Variants in MAP4 observed in about 807,000 individuals in gnomAD.
MAP4 encodes the protein microtubule-associated protein 4.
Under a neutral mutation model 170.2 loss-of-function variants are expected in MAP4, and 76 were observed. That is an observed-to-expected ratio of 0.45 (90% CI 0.37 to 0.54). The LOEUF (loss-of-function observed/expected upper bound fraction) is 0.54. MAP4 is among the 20% of genes least tolerant of loss of function. The pLI is 0.00. For missense variants in MAP4, 2,506 were observed against 2,748.0 expected (o/e 0.91, Z 1.97); for synonymous variants, 909 against 994.5 (o/e 0.91, Z 1.62).
Position 47,989,902 on chromosome 3 carries a change from CT to C in MAP4, c.223+8735del, listed in dbSNP as rs967826001. 7.1e-4 allele frequency among the ~76,000 whole-genome samples: 105 copies of C among 147,076 alleles called. 2 individuals carry two copies. Among genetic ancestry groups the C allele is most frequent in the Middle Eastern group, 6.9e-3 (2 of 288 alleles). On this transcript the variant is annotated intron_variant, in intron 2 of 20. Coordinates refer to ENST00000683076, the MANE Select transcript of MAP4 (RefSeq NM_001385682.1). ...TACACACAGCATCGAAAATAGCACA[CT>C]TTTTTTTTTTAGAAACTAATCACAT... is the stretch of plus-strand genomic sequence containing the variant.
intron 9 of MAP4, 23 bp downstream of exon 9, chr3:47,909,015 A>G (rs895542295): frequency 1.3e-6 from 2 of 1,596,530 alleles, no homozygotes; most frequent in African/African-American, 1.4e-5. Context: ...AAGCACACAC[A>G]TTTCCCCATG....
chr3:47,896,328 G>A (rs1411497517), intron 10 of MAP4, among the ~76,000 whole-genome samples: 1 of 152,088 alleles, frequency 6.6e-6, no homozygotes, highest in Admixed American at 6.6e-5. Context: ...TTGGGAGTTC[G>A]AGACCAGCCT....
At chr3:48,010,151 C>T (rs543580123) in intron 1 of MAP4, among the ~76,000 whole-genome samples, 12 of 152,256 alleles carry the variant, frequency 7.9e-5, no homozygotes, top group African/African-American at 1.9e-4. Flanking sequence ...ACAAATGATC[C>T]GGACCATTCA....
intron 3 of MAP4, among the ~76,000 whole-genome samples, chr3:47,938,663 C>A (rs1378683044): frequency 6.6e-6 from 1 of 152,206 alleles, no homozygotes; most frequent in Non-Finnish European, 1.5e-5. Context: ...GGATTACATG[C>A]ATGAGCCTCT....
chr3:48,052,351 G>A (rs2100128379), intron 1 of MAP4, among the ~76,000 whole-genome samples: 1 of 152,148 alleles, frequency 6.6e-6, no homozygotes. Context: ...CTCCCGAGTA[G>A]CTGGGATTAT....
At position 47,912,435 on chromosome 3, in the gene MAP4, C is replaced by CA. The variant is rs1559431373; in HGVS notation, c.2000-15dup. On this transcript the variant is annotated splice_polypyrimidine_tract_variant and intron_variant, in intron 8 of 20. Coordinates refer to ENST00000683076, the MANE Select transcript of MAP4 (RefSeq NM_001385682.1). ...ACATGAAGTTGGCTAAAATTCCAAACAAAAAACTCCTCGTTATTGTTTCTT... is the reference window on the plus strand; with the variant it reads ...ACATGAAGTTGGCTAAAATTCCAAACAAAAAAACTCCTCGTTATTGTTTCTT... The CA allele has an allele frequency of 2.7e-6, 4 of 1,455,192 alleles. No homozygotes were observed. The highest frequency in any genetic ancestry group is 3.6e-6 in the Non-Finnish European group (4 of 1,107,486). The allele number at this position is 1,455,192 out of a possible 1,614,324, so 90.1% of individuals were successfully genotyped here.
upstream of MAP4, among the ~76,000 whole-genome samples, chr3:48,019,610 C>T (rs2100109573): frequency 6.6e-6 from 1 of 152,254 alleles, no homozygotes; most frequent in East Asian, 1.9e-4. Flanking sequence ...TTTGGCTGGG[C>T]ATGGTGGTTC....
chr3:47,964,745 A>G (rs2100073822), intron 3 of MAP4, among the ~76,000 whole-genome samples: 1 of 152,234 alleles, frequency 6.6e-6, no homozygotes, highest in Non-Finnish European at 1.5e-5. Context: ...TGGACAAACC[A>G]GAACAAACGT....
Position 47,852,514 on chromosome 3 carries a change from T to C in MAP4, c.*420A>G. 1 of 452,130 alleles carries C rather than the reference T, an allele frequency of 2.2e-6. No individual in the cohort carries two copies. The allele number at this position is 452,130 out of a possible 1,614,324, so 28.0% of individuals were successfully genotyped here. On this transcript the variant is annotated 3_prime_UTR_variant, in exon 21 of 21. Transcript: ENST00000683076. ...CCAGGGAGAAGGGAGGGCATGTCAG[T>C]TTCTTTTGGGTTTGGACCAAAGAAC...
intron 2 of MAP4, among the ~76,000 whole-genome samples, chr3:47,979,135 G>A (rs955537453): frequency 6.6e-5 from 10 of 151,522 alleles, no homozygotes; most frequent in East Asian, 1.9e-4. Context: ...TGAGGCCTAC[G>A]GTACATTTTG....
In MAP4 at chr3:47,853,229, G is replaced by T. The variant is rs764975071; in HGVS notation, c.6820C>A (p.Pro2274Thr). The change falls in exon 20 of 21, where the codon CCC (proline) becomes ACC (threonine). Residue 2274 changes from proline to threonine, a missense_variant. This residue lies in a region of MAP4 where 487 missense variants were observed against 511.6 expected (regional missense o/e 0.95). Coordinates refer to ENST00000683076, the MANE Select transcript of MAP4 (RefSeq NM_001385682.1). ...PTSASGLNGH[P>T]TLSGGGDQRE... ...TGGTCACCACCCCCTGACAGGGTGG[G>T]GTGGCCATTGAGGCCACTGGCTGAA... The T allele has an allele frequency of 6.3e-7, 1 of 1,582,570 alleles. No homozygotes were observed. Among genetic ancestry groups the T allele is most frequent in the Admixed American group, 1.8e-5 (1 of 56,416 alleles).
chr3:47,975,360 G>A (rs1285401255), intron 3 of MAP4: 3 of 1,549,342 alleles, frequency 1.9e-6, no homozygotes, highest in African/African-American at 2.7e-5. Flanking sequence ...GGAATGAAAA[G>A]CAAAGCTCTG....
chr3:48,019,482 A>C (rs936709989), upstream of MAP4, among the ~76,000 whole-genome samples: 2 of 152,236 alleles, frequency 1.3e-5, no homozygotes, highest in Admixed American at 6.5e-5. Context: ...GAAAGTAATA[A>C]GCATATCATG....
intron 1 of MAP4, among the ~76,000 whole-genome samples, chr3:48,076,354 T>G (rs2100143876): frequency 6.6e-6 from 1 of 151,170 alleles, no homozygotes; most frequent in African/African-American, 2.4e-5. Flanking sequence ...AAAAAAAAAT[T>G]AGCCGGGCAT....
At chr3:48,015,243 A>G (rs2100107176) in intron 1 of MAP4, among the ~76,000 whole-genome samples, 1 of 111,512 alleles carries the variant, frequency 9.0e-6, no homozygotes, top group Non-Finnish European at 1.6e-5. Context: ...ATGCTCACTT[A>G]TATTTTCTCT....
Position 47,871,286 on chromosome 3 carries a change from G to A in MAP4, c.5942C>T (p.Ala1981Val). ...PSTLLPKKPT[A>V]IKTEGKPAEV... is the part of the protein sequence containing the mutation. ...TGCAGGTTTTCCCTCAGTCTTAATG[G>A]CTGTACAAAATATACTTATTAATAT... The change falls in exon 14 of 21, where the codon GCC (alanine) becomes GTC (valine). Residue 1981 changes from alanine (A) to valine (V), a missense_variant and splice_region_variant. Ala to Val is a moderately conservative substitution (Grantham distance 64). Transcript: ENST00000683076. 6.2e-7 allele frequency: 1 copy of A among 1,611,998 alleles called. No individual in the cohort carries two copies. The highest frequency in any genetic ancestry group is 8.5e-7 in the Non-Finnish European group (1 of 1,178,022).
intron 17 of MAP4, among the ~76,000 whole-genome samples, chr3:47,858,184 TG>T (rs1285009926): frequency 6.6e-6 from 1 of 151,990 alleles, no homozygotes; most frequent in Non-Finnish European, 1.5e-5. Context: ...CAGCTAATTT[TG>T]TATTTTTAGT....
At chr3:48,011,240 G>C (rs939191174) in intron 1 of MAP4, among the ~76,000 whole-genome samples, 10 of 152,112 alleles carry the variant, frequency 6.6e-5, no homozygotes, top group African/African-American at 2.2e-4. Flanking sequence ...GGTTCCTATA[G>C]TAGGAACTGG....
intron 3 of MAP4, among the ~76,000 whole-genome samples, chr3:47,976,703 G>A (rs1244711104): frequency 6.6e-6 from 1 of 152,172 alleles, no homozygotes; most frequent in Non-Finnish European, 1.5e-5. Context: ...AAAACTGGAA[G>A]ATAAAGTGGC....
Sources: gnomAD v4.1 joint callset for allele counts (sites outside exome capture counted in the v4.1 genomes callset) on GRCh38, gnomAD v4.1.1 for gene constraint, gnomAD v4.1.1 regional missense constraint, MANE v1.5 for transcripts, NCBI Gene and HGNC (gene_info 2026-07-23, HGNC 2026-07-21) for gene names.